Variants in GRIN2B observed in about 807,000 individuals in gnomAD.
GRIN2B encodes the protein glutamate ionotropic receptor NMDA type subunit 2B.
A neutral mutation model predicts 114.5 loss-of-function variants in GRIN2B; 5 were observed. The ratio of observed to expected loss-of-function variants is 0.04; its 90% confidence interval spans 0.02 to 0.09. The LOEUF is 0.09. GRIN2B is among the 10% of genes least tolerant of loss of function. GRIN2B has a pLI of 1.00. For missense variants in GRIN2B, 1,108 were observed against 1,943.5 expected (o/e 0.57, Z 8.08); for synonymous variants, 787 against 745.1 (o/e 1.06, Z -0.92).
chr12:13,906,196 C>T (rs1866532073), intron 2 of GRIN2B, among the ~76,000 whole-genome samples: 1 of 152,156 alleles, frequency 6.6e-6, no homozygotes, highest in African/African-American at 2.4e-5. Flanking sequence ...AGCCACACAG[C>T]CATATTCTCA....
intron 3 of GRIN2B, among the ~76,000 whole-genome samples, chr12:13,833,300 A>T (rs889011003): frequency 3.3e-5 from 5 of 152,162 alleles, no homozygotes; most frequent in Non-Finnish European, 7.3e-5. Context: ...CTCAAACAGG[A>T]GAATTGCCAG....
chr12:13,761,855 T>G (rs980482035), intron 3 of GRIN2B, among the ~76,000 whole-genome samples: 1 of 152,196 alleles, frequency 6.6e-6, no homozygotes, highest in Non-Finnish European at 1.5e-5. Context: ...TGTGTACATA[T>G]TAAACTAAGT....
At chr12:13,751,009 G>C (rs927224457) in intron 4 of GRIN2B, among the ~76,000 whole-genome samples, 4 of 152,214 alleles carry the variant, frequency 2.6e-5, no homozygotes, top group African/African-American at 9.6e-5. Flanking sequence ...GAAGCCTGAG[G>C]AATCTGACAA....
At chr12:13,936,348 C>T (rs1042256014) in intron 2 of GRIN2B, among the ~76,000 whole-genome samples, 4 of 152,128 alleles carry the variant, frequency 2.6e-5, no homozygotes, top group African/African-American at 7.2e-5. Context: ...TCCAGAAATG[C>T]CCCTCTGTAG....
Position 13,576,759 on chromosome 12 carries a change from G to T in GRIN2B, c.2011-4795C>A, listed in dbSNP as rs150914764. 3.4e-4 allele frequency among the ~76,000 whole-genome samples: 52 copies of T among 152,214 alleles called. 1 individual carries two copies. The East Asian group carries it at 9.5e-3, about 28-fold the overall frequency. On this transcript the variant is annotated intron_variant, in intron 10 of 13. Coordinates refer to ENST00000609686, the MANE Select transcript of GRIN2B (RefSeq NM_000834.5). ...GTAGAGACAGGGTTTCGCCATGTTG[G>T]CCAGGCTGGTTTCTAATTCCTGGCC...
chr12:13,551,502 C>G lies in GRIN2B; in HGVS notation c.*11281G>C, dbSNP rs1478907900. The G allele has an allele frequency of 6.6e-6, 1 of 152,148 alleles. No individual in the cohort carries two copies. The highest frequency in any genetic ancestry group is 1.5e-5 in the Non-Finnish European group (1 of 68,014). 9.4% of individuals were successfully genotyped at this position (152,148 alleles called of 1,614,324 possible). A position where few individuals can be genotyped will look rare whatever the true frequency, so the allele number is the denominator to read the frequency against. On this transcript the variant is annotated 3_prime_UTR_variant, in exon 14 of 14. Coordinates refer to ENST00000609686, the MANE Select transcript of GRIN2B (RefSeq NM_000834.5). ...ATGAAGCCTGAATATTTCTGTCAAA[C>G]CTTGAGGGATCAATGATCCACAAGC...
chr12:13,706,695 A>G (rs1950362521), intron 4 of GRIN2B, among the ~76,000 whole-genome samples: 1 of 152,110 alleles, frequency 6.6e-6, no homozygotes, highest in South Asian at 2.1e-4. Context: ...CTGCCCTAGG[A>G]AGATTTTTTG....
intron 10 of GRIN2B, among the ~76,000 whole-genome samples, chr12:13,589,349 A>G (rs1298818385): frequency 3.3e-5 from 5 of 152,194 alleles, no homozygotes; most frequent in Non-Finnish European, 5.9e-5. Flanking sequence ...AGGGGCTTAC[A>G]AGGTGATTGA....
chr12:13,893,566 A>T (rs183906565), intron 2 of GRIN2B, among the ~76,000 whole-genome samples: 391 of 152,236 alleles, frequency 2.6e-3, no homozygotes, highest in South Asian at 5.4e-3. Context: ...AAATCAGAAA[A>T]ACTTAAGACT....
intron 3 of GRIN2B, among the ~76,000 whole-genome samples, chr12:13,812,985 G>T (rs1001686274): frequency 2.1e-5 from 3 of 145,930 alleles, no homozygotes; most frequent in Non-Finnish European, 4.5e-5. Flanking sequence ...CCAGGCTGGA[G>T]TGCAGTGGTC....
intron 2 of GRIN2B, among the ~76,000 whole-genome samples, chr12:13,928,816 G>A (rs904651221): frequency 3.9e-5 from 6 of 152,198 alleles, no homozygotes; most frequent in African/African-American, 1.4e-4. Context: ...AACCCTATAT[G>A]GGAAAAGGAA....
chr12:13,734,219 A>G (rs1302377873), intron 4 of GRIN2B, among the ~76,000 whole-genome samples: 2 of 152,232 alleles, frequency 1.3e-5, no homozygotes, highest in African/African-American at 4.8e-5. Flanking sequence ...TGATTTTGTG[A>G]TATTCAAGAT....
intron 2 of GRIN2B, among the ~76,000 whole-genome samples, chr12:13,874,961 G>A (rs1241249757): frequency 1.3e-5 from 2 of 152,120 alleles, no homozygotes. Context: ...TTAAAAGTAG[G>A]AGTTATATAG....
intron 2 of GRIN2B, among the ~76,000 whole-genome samples, chr12:13,976,420 G>A (rs1863019971): frequency 6.6e-6 from 1 of 152,178 alleles, no homozygotes; most frequent in South Asian, 2.1e-4. Flanking sequence ...GAATGGCACT[G>A]AGGAAAAAGA....
intron 10 of GRIN2B, among the ~76,000 whole-genome samples, chr12:13,604,999 G>GA (rs1185913940): frequency 6.7e-6 from 1 of 150,242 alleles, no homozygotes; most frequent in Non-Finnish European, 1.5e-5. Context: ...CTTTGCCTGT[G>GA]ATTCTGGGTC....
chr12:13,744,555 C>A (rs1371657583), intron 4 of GRIN2B, among the ~76,000 whole-genome samples: 1 of 151,948 alleles, frequency 6.6e-6, no homozygotes, highest in Non-Finnish European at 1.5e-5. Flanking sequence ...ACAAAACACC[C>A]AATAAAGAAA....
intron 10 of GRIN2B, among the ~76,000 whole-genome samples, chr12:13,602,598 C>T (rs939399232): frequency 6.6e-6 from 1 of 152,172 alleles, no homozygotes; most frequent in Non-Finnish European, 1.5e-5. Context: ...TTGCTTATCA[C>T]CAGGCTGATT....
intron 3 of GRIN2B, among the ~76,000 whole-genome samples, chr12:13,853,664 G>T (rs912247054): frequency 1.3e-5 from 2 of 152,158 alleles, no homozygotes; most frequent in African/African-American, 4.8e-5. Context: ...GAAGTGCCAG[G>T]TTGCTGATTG....
intron 2 of GRIN2B, among the ~76,000 whole-genome samples, chr12:13,969,188 A>C (rs1466379960): frequency 6.6e-6 from 1 of 152,190 alleles, no homozygotes; most frequent in Non-Finnish European, 1.5e-5. Flanking sequence ...CCATTTTTTC[A>C]GTTTAAAACA....
Sources: gnomAD v4.1 joint callset for allele counts (sites outside exome capture counted in the v4.1 genomes callset) on GRCh38, gnomAD v4.1.1 for gene constraint, MANE v1.5 for transcripts, NCBI Gene and HGNC (gene_info 2026-07-23, HGNC 2026-07-21) for gene names.